RMST: variants seen among roughly 807,000 people sequenced by gnomAD.
RMST encodes rhabdomyosarcoma 2 associated transcript, also known as long intergenic non-protein coding RNA 54.
intron 10 of RMST, among the ~76,000 whole-genome samples, chr12:97,525,373 G>A (rs892629024): frequency 6.6e-6 from 1 of 152,132 alleles, no homozygotes; most frequent in Non-Finnish European, 1.5e-5. Context: ...AGGCATTAGC[G>A]GGTGGATCAT....
intron 5 of RMST, among the ~76,000 whole-genome samples, chr12:97,490,105 G>A (rs1876606708): frequency 6.6e-6 from 1 of 152,144 alleles, no homozygotes; most frequent in Non-Finnish European, 1.5e-5. Flanking sequence ...TTTGAAAGGT[G>A]TAAAGGAAAT....
chr12:97,498,688 C>T (rs1365217883), intron 10 of RMST, among the ~76,000 whole-genome samples: 3 of 152,088 alleles, frequency 2.0e-5, no homozygotes, highest in East Asian at 1.9e-4. Context: ...CTAGGAAAAT[C>T]GTGAAAAGCC....
intron 10 of RMST, among the ~76,000 whole-genome samples, chr12:97,516,496 T>C (rs1879949781): frequency 6.6e-6 from 1 of 152,056 alleles, no homozygotes; most frequent in Admixed American, 6.6e-5. Flanking sequence ...GAAAACTTGA[T>C]TCAATGTACA....
chr12:97,471,860 T>G (rs779766076), intron 5 of RMST, among the ~76,000 whole-genome samples: 1 of 152,142 alleles, frequency 6.6e-6, no homozygotes, highest in Non-Finnish European at 1.5e-5. Flanking sequence ...GAAGATTTTT[T>G]TTCCTCCATA....
intron 11 of RMST, chr12:97,530,936 T>G (rs1283232591): frequency 1.3e-5 from 2 of 152,054 alleles, no homozygotes; most frequent in Non-Finnish European, 2.9e-5. Context: ...GTTCTTTTTT[T>G]GTTTCTTGAC....
chr12:97,561,720 G>T (rs1396840060), intron 13 of RMST, among the ~76,000 whole-genome samples: 1 of 130,360 alleles, frequency 7.7e-6, no homozygotes, highest in East Asian at 2.2e-4. Flanking sequence ...TCCCAGCTCC[G>T]TGCCCAGGTC....
chr12:97,472,020 A>G (rs1873976536), intron 5 of RMST, among the ~76,000 whole-genome samples: 1 of 152,112 alleles, frequency 6.6e-6, no homozygotes, highest in Admixed American at 6.6e-5. Flanking sequence ...TTTGGTCAAA[A>G]GATTTTTTTA....
chr12:97,558,613 T>C (rs1261170920), intron 11 of RMST, among the ~76,000 whole-genome samples: 1 of 152,186 alleles, frequency 6.6e-6, no homozygotes, highest in Non-Finnish European at 1.5e-5. Context: ...TCTATTTCCC[T>C]CACACATCAG....
chr12:97,545,229 CATG>C (rs1882845637), intron 11 of RMST, among the ~76,000 whole-genome samples: 1 of 152,084 alleles, frequency 6.6e-6, no homozygotes, highest in African/African-American at 2.4e-5. Context: ...TCATCATCAC[CATG>C]ATAACTATAT....
intron 10 of RMST, among the ~76,000 whole-genome samples, chr12:97,511,344 T>C (rs1483474656): frequency 6.6e-6 from 1 of 152,104 alleles, no homozygotes; most frequent in Non-Finnish European, 1.5e-5. Context: ...ACACGGGGTT[T>C]CACCATGTTG....
At chr12:97,556,604 C>T (rs1883725020) in intron 11 of RMST, among the ~76,000 whole-genome samples, 1 of 152,150 alleles carries the variant, frequency 6.6e-6, no homozygotes, top group African/African-American at 2.4e-5. Flanking sequence ...CAATAGCATT[C>T]TCTGCTGTGT....
chr12:97,497,967 T>C (rs1877639006), intron 10 of RMST, among the ~76,000 whole-genome samples: 1 of 152,096 alleles, frequency 6.6e-6, no homozygotes, highest in Non-Finnish European at 1.5e-5. Context: ...AATATGAAGA[T>C]CAATCATCCA....
chr12:97,503,895 T>A (rs897988442), intron 10 of RMST, among the ~76,000 whole-genome samples: 2 of 152,216 alleles, frequency 1.3e-5, no homozygotes, highest in Non-Finnish European at 2.9e-5. Context: ...CACTATTCAT[T>A]TATTAAGAAA....
intron 5 of RMST, among the ~76,000 whole-genome samples, chr12:97,473,370 C>CGTGTG (rs2136395074): frequency 6.6e-6 from 1 of 152,110 alleles, no homozygotes; most frequent in African/African-American, 2.4e-5. Context: ...TAGTAAAATA[C>CGTGTG]GTGTGTGTGT....
chr12:97,499,640 C>CTTTTTT (rs1395270718), intron 10 of RMST, among the ~76,000 whole-genome samples: 3 of 143,470 alleles, frequency 2.1e-5, no homozygotes, highest in Non-Finnish European at 4.5e-5. Flanking sequence ...TTTTCTTTTT[C>CTTTTTT]TTTTTCTTTT....
intron 5 of RMST, among the ~76,000 whole-genome samples, chr12:97,471,449 G>A (rs1295028716): frequency 2.0e-5 from 3 of 152,094 alleles, no homozygotes; most frequent in Non-Finnish European, 2.9e-5. Flanking sequence ...GAGGCTTTGA[G>A]CTGTCCTGCT....
At chr12:97,497,897 G>A (rs765841754) in intron 10 of RMST, among the ~76,000 whole-genome samples, 1 of 152,102 alleles carries the variant, frequency 6.6e-6, no homozygotes, top group African/African-American at 2.4e-5. Context: ...AAAGAAGGCT[G>A]TACCATTTCT....
intron 10 of RMST, among the ~76,000 whole-genome samples, chr12:97,512,525 C>T (rs992137394): frequency 6.6e-6 from 1 of 152,184 alleles, no homozygotes; most frequent in Non-Finnish European, 1.5e-5. Flanking sequence ...CAAAGGTTCT[C>T]CACGTCCCCA....
intron 10 of RMST, among the ~76,000 whole-genome samples, chr12:97,506,200 T>C (rs1189530472): frequency 6.6e-6 from 1 of 152,154 alleles, no homozygotes; most frequent in Admixed American, 6.5e-5. Flanking sequence ...CATCAAACTA[T>C]CTTTTCAAAT....
Sources: allele counts gnomAD v4.1 joint callset (sites outside exome capture counted in the v4.1 genomes callset), GRCh38; gene constraint gnomAD v4.1.1; transcripts MANE v1.5; gene names NCBI Gene and HGNC (gene_info 2026-07-23, HGNC 2026-07-21).